PCDHB15: variants seen among roughly 807,000 people sequenced by gnomAD.
PCDHB15 encodes the protein protocadherin beta 15.
For synonymous variants in PCDHB15, 492 were observed against 447.9 expected, an observed-to-expected ratio of 1.10 and a Z score of -1.24; for missense variants, 1,032 against 991.7, an observed-to-expected ratio of 1.04 and a Z score of -0.55.
At position 141,247,325 on chromosome 5, in the gene PCDHB15, G is replaced by A. The variant is rs782327585; in HGVS notation, c.1747G>A (p.Gly583Ser). 3 of 1,607,760 alleles carry A rather than the reference G, an allele frequency of 1.9e-6. No homozygotes were observed. The South Asian group carries it at 3.3e-5, about 18-fold the overall frequency. ...GCTGGTGCCCCGGGCGGCCGAGCCGGGCTACCTGGTGACCAAGGTGGTGGC... is the reference window on the plus strand; with the variant it reads ...GCTGGTGCCCCGGGCGGCCGAGCCGAGCTACCTGGTGACCAAGGTGGTGGC... ...TELVPRAAEP[G>S]YLVTKVVAVD... Residue 583 changes from glycine to serine, a missense_variant, in exon 1 of 1, where the codon GGC becomes AGC. By Grantham distance (56) the Gly-to-Ser change is moderately conservative (BLOSUM62 0). Coordinates refer to ENST00000231173, the MANE Select transcript of PCDHB15 (RefSeq NM_018935.4).
Position 141,245,995 on chromosome 5 carries a change from C to A in PCDHB15, c.417C>A (p.Thr139=). The part of the protein sequence containing the change: ...HSPEFPEREM[T]LKIPETSSLG... Reference sequence around the variant, plus strand: ...CTGAGTTTCCTGAAAGAGAAATGACCCTGAAAATCCCAGAAACTAGCTCCC... The same window carrying A: ...CTGAGTTTCCTGAAAGAGAAATGACACTGAAAATCCCAGAAACTAGCTCCC... Residue 139 remains threonine (T), a synonymous_variant, in exon 1 of 1, where the codon ACC becomes ACA. Transcript: ENST00000231173. The A allele has an allele frequency of 6.2e-7, 1 of 1,614,076 alleles. No homozygotes were observed. The highest frequency in any genetic ancestry group is 8.5e-7 in the Non-Finnish European group (1 of 1,180,036).
At position 141,245,727 on chromosome 5, in the gene PCDHB15, A is replaced by T. The variant is rs781972870; in HGVS notation, c.149A>T (p.Asn50Ile). The change falls in exon 1 of 1, where the codon AAT becomes ATT. Residue 50 changes from asparagine to isoleucine, a missense_variant. Transcript: ENST00000231173. The stretch of plus-strand genomic sequence containing the variant: ...GGTTCTTTTGTAGCCAACCTGGCCA[A>T]TGACCTAGGGCTGGGAGTGGGGGAG... Reference protein sequence around the residue: ...ERGSFVANLANDLGLGVGELA... With the variant: ...ERGSFVANLAIDLGLGVGELA... The T allele has an allele frequency of 1.2e-6, 2 of 1,614,084 alleles. No homozygotes were observed. The highest frequency in any genetic ancestry group is 3.3e-5 in the Admixed American group (2 of 60,006).
Position 141,247,642 on chromosome 5 carries a change from C to CT in PCDHB15, c.2065dup (p.Tyr689LeufsTer72), listed in dbSNP as rs781806455. On this transcript the variant is annotated frameshift_variant, in exon 1 of 1. Coordinates refer to ENST00000231173, the MANE Select transcript of PCDHB15 (RefSeq NM_018935.4). LOFTEE classifies it low-confidence loss of function (END_TRUNC). ...AAGCCCAGGCCGACTCGCTTACCGT[C>CT]TACCTGGTGGTGGCATTGGCCTCGG... 6.2e-6 allele frequency: 10 copies of CT among 1,610,564 alleles called. No homozygotes were observed. In the South Asian group the frequency reaches 1.1e-4, roughly 18 times the overall value.
In PCDHB15 at chr5:141,246,787, G is replaced by A; in HGVS notation, c.1209G>A (p.Leu403=). Residue 403 remains leucine (L), a synonymous_variant, in exon 1 of 1, where the codon CTG becomes CTA. Coordinates refer to ENST00000231173, the MANE Select transcript of PCDHB15 (RefSeq NM_018935.4). ...LKPSVENFYR[L]VTEGALDRET... ...CTTCTGTTGAGAATTTCTACAGGCT[G>A]GTAACAGAAGGGGCGCTGGACAGAG... 6.2e-7 allele frequency: 1 copy of A among 1,613,996 alleles called. No individual in the cohort carries two copies. The highest frequency in any genetic ancestry group is 2.2e-5 in the East Asian group (1 of 44,888).
chr5:141,246,375 C>A lies in PCDHB15; in HGVS notation c.797C>A (p.Ala266Asp), dbSNP rs1194393947. Residue 266 changes from alanine (A) to aspartate (D), a missense_variant, in exon 1 of 1, where the codon GCT (alanine) becomes GAT (aspartate). Physicochemically the swap from Ala to Asp is moderately radical, Grantham distance 126. Transcript: ENST00000231173. ...PVGSLVVKVS[A>D]RDLDTGTNGE... ...GGCTCCCTAGTTGTCAAGGTCTCTG[C>A]TAGGGATTTAGACACTGGGACAAAT... The A allele has an allele frequency of 6.2e-7, 1 of 1,613,922 alleles. No individual in the cohort carries two copies. Among genetic ancestry groups the A allele is most frequent in the Non-Finnish European group, 8.5e-7 (1 of 1,179,928 alleles).
rs1309438092 is a variant in PCDHB15 at position 141,248,592 on chromosome 5, C to G, written c.*650C>G. The G allele has an allele frequency of 6.6e-6, 1 of 152,232 alleles. No individual in the cohort carries two copies. Among genetic ancestry groups the G allele is most frequent in the Non-Finnish European group, 1.5e-5 (1 of 68,080 alleles). 9.4% of individuals were successfully genotyped at this position (152,232 alleles called of 1,614,324 possible). A position where few individuals can be genotyped will look rare whatever the true frequency, so the allele number is the denominator to read the frequency against. On this transcript the variant is annotated 3_prime_UTR_variant, in exon 1 of 1. Transcript: ENST00000231173. ...CTAATGGGTTCTTCCTTATCTCTAT[C>G]TAATGTTATGATCCTATTGGGGGGA...
chr5:141,247,693 G>A lies in PCDHB15; in HGVS notation c.2115G>A (p.Val705=). 6.2e-7 allele frequency: 1 copy of A among 1,611,710 alleles called. No homozygotes were observed. The highest frequency in any genetic ancestry group is 1.3e-5 in the African/African-American group (1 of 75,038). The part of the protein sequence containing the change: ...ASVSSLFLFS[V]FLFVAVRLCR... ...TGTCTTCGCTCTTCCTCTTCTCGGT[G>A]TTCCTGTTCGTGGCAGTGCGGCTGT... The change falls in exon 1 of 1, where the codon GTG becomes GTA. Residue 705 remains valine, a synonymous_variant. Transcript: ENST00000231173.
In PCDHB15 at chr5:141,246,454, T is replaced by C; in HGVS notation, c.876T>C (p.Phe292=). ...GCTCTCAGGAGATAGACAAACCTTT[T>C]GAGCTAAGCAGCCTTTCAGGAGAAA... The part of the protein sequence containing the change: ...YYSSQEIDKP[F]ELSSLSGEIR... Residue 292 remains phenylalanine, a synonymous_variant, in exon 1 of 1, where the codon TTT becomes TTC. Transcript: ENST00000231173. 3 of 1,614,178 alleles carry C rather than the reference T, an allele frequency of 1.9e-6. No homozygotes were observed. The highest frequency in any genetic ancestry group is 2.2e-5 in the South Asian group (2 of 91,076).
At position 141,246,950 on chromosome 5, in the gene PCDHB15, C is replaced by T. The variant is rs1172121174; in HGVS notation, c.1372C>T (p.Leu458=). 3.7e-6 allele frequency: 6 copies of T among 1,613,344 alleles called. No individual in the cohort carries two copies. In the African/African-American group the frequency reaches 5.3e-5, roughly 14 times the overall value. ...CGCCTTCACCCAAACCTCCTACACC[C>T]TGTTCGTCCGCGAGAACAACAGCCC... ...APAFTQTSYT[L]FVRENNSPAL... is the part of the protein sequence containing the mutation. The change falls in exon 1 of 1, where the codon CTG becomes TTG. Residue 458 remains leucine (L), a synonymous_variant. Transcript: ENST00000231173.
rs1340838336 is a variant in PCDHB15, at chr5:141,246,450, C to T, written c.872C>T (p.Pro291Leu). 1.9e-6 allele frequency: 3 copies of T among 1,613,996 alleles called. No homozygotes were observed. Among genetic ancestry groups the T allele is most frequent in the Non-Finnish European group, 2.5e-6 (3 of 1,180,022 alleles). The part of the protein sequence containing the change: ...LYYSSQEIDK[P>L]FELSSLSGEI... ...TACAGCTCTCAGGAGATAGACAAAC[C>T]TTTTGAGCTAAGCAGCCTTTCAGGA... The change falls in exon 1 of 1, where the codon CCT becomes CTT. Residue 291 changes from proline (P) to leucine (L), a missense_variant. By Grantham distance (98) the Pro-to-Leu change is moderately conservative. Transcript: ENST00000231173.
Position 141,246,754 on chromosome 5 carries a change from G to A in PCDHB15, c.1176G>A (p.Lys392=), listed in dbSNP as rs781976254. ...CAATTCAGGATGATGTTCCTTTTAA[G>A]CTAAAACCTTCTGTTGAGAATTTCT... ...ICSIQDDVPF[K]LKPSVENFYR... is the part of the protein sequence containing the mutation. Residue 392 remains lysine, a synonymous_variant, in exon 1 of 1, where the codon AAG becomes AAA. Coordinates refer to ENST00000231173, the MANE Select transcript of PCDHB15 (RefSeq NM_018935.4). 2 of 1,614,036 alleles carry A rather than the reference G, an allele frequency of 1.2e-6. No individual in the cohort carries two copies. Among genetic ancestry groups the A allele is most frequent in the Non-Finnish European group, 1.7e-6 (2 of 1,179,926 alleles).
chr5:141,246,960 G>T lies in PCDHB15; in HGVS notation c.1382G>T (p.Arg461Leu). 4 of 1,613,344 alleles carry T rather than the reference G, an allele frequency of 2.5e-6. No homozygotes were observed. Among genetic ancestry groups the T allele is most frequent in the East Asian group, 2.2e-5 (1 of 44,856 alleles). Residue 461 changes from arginine to leucine, a missense_variant, in exon 1 of 1, where the codon CGC (arginine) becomes CTC (leucine). By Grantham distance (102) the Arg-to-Leu change is moderately radical. Coordinates refer to ENST00000231173, the MANE Select transcript of PCDHB15 (RefSeq NM_018935.4). Reference protein sequence around the residue: ...FTQTSYTLFVRENNSPALHIG... With the variant: ...FTQTSYTLFVLENNSPALHIG... ...CAAACCTCCTACACCCTGTTCGTCCGCGAGAACAACAGCCCCGCCCTGCAC... is the reference window on the plus strand; with the variant it reads ...CAAACCTCCTACACCCTGTTCGTCCTCGAGAACAACAGCCCCGCCCTGCAC...
chr5:141,247,702 C>A lies in PCDHB15; in HGVS notation c.2124C>A (p.Phe708Leu), dbSNP rs187029907. The A allele has an allele frequency of 8.1e-6, 13 of 1,612,418 alleles. No individual in the cohort carries two copies. The highest frequency in any genetic ancestry group is 9.3e-6 in the Non-Finnish European group (11 of 1,179,974). Residue 708 changes from phenylalanine to leucine, a missense_variant, in exon 1 of 1, where the codon TTC (phenylalanine) becomes TTA (leucine). Physicochemically the swap from Phe to Leu is conservative, Grantham distance 22 (BLOSUM62 0). Transcript: ENST00000231173. The stretch of plus-strand genomic sequence containing the variant: ...TCTTCCTCTTCTCGGTGTTCCTGTT[C>A]GTGGCAGTGCGGCTGTGCAGGAGGA... ...SSLFLFSVFL[F>L]VAVRLCRRSR... is the part of the protein sequence containing the mutation.
In PCDHB15 at chr5:141,247,452, G is replaced by A. The variant is rs77506821; in HGVS notation, c.1874G>A (p.Arg625His). ...FGVWAHNGEVRTARLLSERDV... is the reference protein window; with the variant it reads ...FGVWAHNGEVHTARLLSERDV... ...GTGTGGGCGCACAATGGCGAGGTGC[G>A]CACCGCCAGGCTGCTGAGCGAGCGC... is the stretch of plus-strand genomic sequence containing the variant. Residue 625 changes from arginine (R) to histidine (H), a missense_variant, in exon 1 of 1, where the codon CGC becomes CAC. Coordinates refer to ENST00000231173, the MANE Select transcript of PCDHB15 (RefSeq NM_018935.4). The A allele has an allele frequency of 6.2e-7, 1 of 1,607,266 alleles. No homozygotes were observed.
rs1194393947 is a variant in PCDHB15, at chr5:141,246,375, C to T, written c.797C>T (p.Ala266Val). The T allele has an allele frequency of 6.2e-7, 1 of 1,614,040 alleles. No individual in the cohort carries two copies. The highest frequency in any genetic ancestry group is 1.7e-5 in the Admixed American group (1 of 60,032). The change falls in exon 1 of 1, where the codon GCT becomes GTT. Residue 266 changes from alanine to valine, a missense_variant. Coordinates refer to ENST00000231173, the MANE Select transcript of PCDHB15 (RefSeq NM_018935.4). ...GGCTCCCTAGTTGTCAAGGTCTCTGCTAGGGATTTAGACACTGGGACAAAT... is the reference window on the plus strand; with the variant it reads ...GGCTCCCTAGTTGTCAAGGTCTCTGTTAGGGATTTAGACACTGGGACAAAT... ...PVGSLVVKVS[A>V]RDLDTGTNGE...
In PCDHB15 at chr5:141,248,421, A is replaced by G. The variant is rs564778764; in HGVS notation, c.*479A>G. On this transcript the variant is annotated 3_prime_UTR_variant, in exon 1 of 1. Transcript: ENST00000231173. ...CATATTTGGAGTTTTGTTTTTTCCA[A>G]TAAGGAGCAACATGGATAAGTTTAA... 6 of 154,934 alleles carry G rather than the reference A, an allele frequency of 3.9e-5. No individual in the cohort carries two copies. Among genetic ancestry groups the G allele is most frequent in the Admixed American group, 1.3e-4 (2 of 15,304 alleles). 9.6% of individuals were successfully genotyped at this position (154,934 alleles called of 1,614,324 possible).
At position 141,246,512 on chromosome 5, in the gene PCDHB15, A is replaced by G. The variant is rs1340870165; in HGVS notation, c.934A>G (p.Met312Val). ...RLIKKLDFET[M>V]SSYDLDIEAS... ...AATTAAAAAACTAGATTTTGAGACA[A>G]TGTCTTCGTATGATCTAGATATAGA... Residue 312 changes from methionine to valine, a missense_variant, in exon 1 of 1, where the codon ATG becomes GTG. Met to Val is a conservative substitution (Grantham distance 21). Coordinates refer to ENST00000231173, the MANE Select transcript of PCDHB15 (RefSeq NM_018935.4). 1.1e-5 allele frequency: 17 copies of G among 1,614,018 alleles called. No homozygotes were observed. The highest frequency in any genetic ancestry group is 9.9e-5 in the South Asian group (9 of 91,090).
rs618096 is a variant in PCDHB15 at position 141,247,059 on chromosome 5, G to A, written c.1481G>A (p.Arg494Gln). 0.59 allele frequency: 949,297 copies of A among 1,612,466 alleles called. 281,296 individuals carry two copies. Among genetic ancestry groups the A allele is most frequent in the African/African-American group, 0.75 (56,496 of 74,932 alleles). ...AQVTYSLLPP[R>Q]DPHLPLTSLV... Reference sequence around the variant, plus strand: ...GTCACCTACTCGCTGCTGCCGCCCCGGGACCCGCACCTGCCCCTCACCTCC... The same window carrying A: ...GTCACCTACTCGCTGCTGCCGCCCCAGGACCCGCACCTGCCCCTCACCTCC... The change falls in exon 1 of 1, where the codon CGG becomes CAG. Residue 494 changes from arginine to glutamine, a missense_variant. Arg to Gln is a conservative substitution (Grantham distance 43). Transcript: ENST00000231173.
rs201473784 is a variant in PCDHB15 at position 141,246,053 on chromosome 5, G to C, written c.475G>C (p.Asp159His). ...GTVFPLKKAR[D>H]LDVGSNNVQN... Reference sequence around the variant, plus strand: ...TGTGTTTCCTCTGAAAAAAGCTCGGGACTTGGACGTGGGCAGCAATAATGT... The same window carrying C: ...TGTGTTTCCTCTGAAAAAAGCTCGGCACTTGGACGTGGGCAGCAATAATGT... The change falls in exon 1 of 1, where the codon GAC (aspartate) becomes CAC (histidine). Residue 159 changes from aspartate to histidine, a missense_variant. Transcript: ENST00000231173. 1 of 1,614,116 alleles carries C rather than the reference G, an allele frequency of 6.2e-7. No individual in the cohort carries two copies. The highest frequency in any genetic ancestry group is 8.5e-7 in the Non-Finnish European group (1 of 1,180,042).
Sources: allele counts gnomAD v4.1 joint callset, GRCh38; gene constraint gnomAD v4.1.1; transcripts MANE v1.5; gene names NCBI Gene and HGNC (gene_info 2026-07-23, HGNC 2026-07-21).